Variants in ADGRL3 observed in about 807,000 individuals in gnomAD.
ADGRL3 encodes calcium-independent alpha-latrotoxin receptor 3.
In ADGRL3, 62 loss-of-function variants were observed where a neutral mutation model predicts 153.5. The ratio of observed to expected loss-of-function variants is 0.40; its 90% CI spans 0.33 to 0.50. ADGRL3 has a LOEUF of 0.50. ADGRL3 is among the 20% of genes least tolerant of loss of function. The probability of loss-of-function intolerance (pLI) is 0.47; values close to 1 mark genes in which losing one functional copy is unlikely to be tolerated. For missense variants in ADGRL3, 1,641 were observed against 1,859.4 expected, an observed-to-expected ratio of 0.88 and a Z score of 2.16; for synonymous variants, 710 against 672.5, an observed-to-expected ratio of 1.06 and a Z score of -0.86.
At chr4:61,562,136 C>A (rs2098797539) in intron 4 of ADGRL3, among the ~76,000 whole-genome samples, 1 of 152,150 alleles carries the variant, frequency 6.6e-6, no homozygotes, top group Non-Finnish European at 1.5e-5. Flanking sequence ...TTACACTATT[C>A]TGTAGCCTAT....
chr4:61,575,525 G>A (rs1393230585), intron 4 of ADGRL3, among the ~76,000 whole-genome samples: 2 of 151,800 alleles, frequency 1.3e-5, no homozygotes, highest in African/African-American at 4.8e-5. Context: ...TAAATGTTAT[G>A]TATTTATTGA....
chr4:61,950,856 T>C (rs1409256609), intron 17 of ADGRL3, among the ~76,000 whole-genome samples: 3 of 152,154 alleles, frequency 2.0e-5, no homozygotes, highest in Non-Finnish European at 2.9e-5. Context: ...AGTTTCAGCA[T>C]GGGGGCTTAC....
At chr4:61,922,593 G>A (rs2098774921) in intron 13 of ADGRL3, among the ~76,000 whole-genome samples, 1 of 152,180 alleles carries the variant, frequency 6.6e-6, no homozygotes, top group African/African-American at 2.4e-5. Context: ...CTGCTAGGCT[G>A]TGGCAGTTTT....
intron 9 of ADGRL3, among the ~76,000 whole-genome samples, chr4:61,823,050 A>G (rs982041600): frequency 6.6e-6 from 1 of 152,136 alleles, no homozygotes; most frequent in Admixed American, 6.6e-5. Flanking sequence ...CGGGATTAGT[A>G]TGTCTCTAAG....
intron 2 of ADGRL3, among the ~76,000 whole-genome samples, chr4:61,468,085 T>G (rs1340770767): frequency 2.0e-5 from 3 of 152,164 alleles, no homozygotes; most frequent in Admixed American, 1.3e-4. Flanking sequence ...ATCATTGCAG[T>G]CTGTATTGCA....
intron 11 of ADGRL3, among the ~76,000 whole-genome samples, chr4:61,899,319 T>C (rs2098650424): frequency 6.6e-6 from 1 of 152,100 alleles, no homozygotes; most frequent in Admixed American, 6.6e-5. Context: ...TCTGCTCTGA[T>C]CTCCTACCTC....
intron 8 of ADGRL3, among the ~76,000 whole-genome samples, chr4:61,791,753 A>G (rs548857378): frequency 1.3e-5 from 2 of 152,308 alleles, no homozygotes; most frequent in South Asian, 2.1e-4. Flanking sequence ...ATCTAGGTGG[A>G]GGTTCTCAAA....
intron 20 of ADGRL3, among the ~76,000 whole-genome samples, chr4:61,997,756 T>C (rs967934662): frequency 6.6e-6 from 1 of 152,196 alleles, no homozygotes; most frequent in Non-Finnish European, 1.5e-5. Context: ...TATATTGATT[T>C]TAGTATTTGT....
chr4:61,947,345 T>A (rs1024148288), intron 16 of ADGRL3, among the ~76,000 whole-genome samples: 5 of 152,176 alleles, frequency 3.3e-5, no homozygotes, highest in African/African-American at 1.2e-4. Context: ...ATAGATGGAT[T>A]TATAATTGCT....
intron 9 of ADGRL3, among the ~76,000 whole-genome samples, chr4:61,826,465 A>C (rs73823248): frequency 0.054 from 8,159 of 152,270 alleles, 367 homozygotes; most frequent in African/African-American, 0.12. Context: ...TAAATAAACA[A>C]AAAAGTAAAC....
At chr4:62,012,665 T>G in intron 21 of ADGRL3, among the ~76,000 whole-genome samples, 1 of 152,326 alleles carries the variant, frequency 6.6e-6, no homozygotes, top group Middle Eastern at 3.4e-3. Flanking sequence ...CATATCAGTT[T>G]AGATAATTTT....
At chr4:61,798,544 G>C (rs1424649232) in intron 8 of ADGRL3, among the ~76,000 whole-genome samples, 1 of 152,000 alleles carries the variant, frequency 6.6e-6, no homozygotes, top group Non-Finnish European at 1.5e-5. Context: ...ATCTTCCTCT[G>C]CCATATTTAA....
chr4:61,742,859 G>A (rs1269698557), intron 8 of ADGRL3, among the ~76,000 whole-genome samples: 2 of 151,988 alleles, frequency 1.3e-5, no homozygotes, highest in African/African-American at 4.8e-5. Flanking sequence ...AAAGAATTCT[G>A]GCTGCTTTTC....
At chr4:61,847,653 T>C (rs2098135484) in intron 9 of ADGRL3, among the ~76,000 whole-genome samples, 1 of 58,860 alleles carries the variant, frequency 1.7e-5, no homozygotes, top group African/African-American at 8.0e-5. Context: ...TAATATAAAA[T>C]ATATTATATA....
At chr4:61,979,882 A>C in intron 18 of ADGRL3, 110 bp downstream of exon 18, 1 of 925,908 alleles carries the variant, frequency 1.1e-6, no homozygotes, top group South Asian at 1.6e-5. Flanking sequence ...CTAGTCATCT[A>C]AGATAGATAC....
chr4:61,754,579 T>C (rs1180073105), intron 8 of ADGRL3, among the ~76,000 whole-genome samples: 1 of 151,826 alleles, frequency 6.6e-6, no homozygotes. Flanking sequence ...TGGGTTCACC[T>C]TGCCCACTGC....
chr4:61,328,353 G>C (rs180708638), intron 1 of ADGRL3, among the ~76,000 whole-genome samples: 3 of 152,244 alleles, frequency 2.0e-5, no homozygotes, highest in Admixed American at 2.0e-4. Flanking sequence ...GAGATAGTAG[G>C]AACTAGTGAT....
chr4:61,965,758 GA>G (rs889836683), intron 17 of ADGRL3, among the ~76,000 whole-genome samples: 41 of 143,540 alleles, frequency 2.9e-4, no homozygotes, highest in Non-Finnish European at 4.8e-4. Flanking sequence ...CTCACAAAAA[GA>G]AAAAAAAAAG....
At chr4:62,040,395 C>A (rs1244183127) in intron 24 of ADGRL3, among the ~76,000 whole-genome samples, 5 of 151,850 alleles carry the variant, frequency 3.3e-5, no homozygotes, top group African/African-American at 4.8e-5. Context: ...TTAACTATGA[C>A]CAGCCAAGCC....
Sources: allele counts gnomAD v4.1 joint callset (sites outside exome capture counted in the v4.1 genomes callset), GRCh38; gene constraint gnomAD v4.1.1; transcripts MANE v1.5; gene names NCBI Gene and HGNC (gene_info 2026-07-23, HGNC 2026-07-21).